MTRR: variants seen among roughly 807,000 people sequenced by gnomAD.
The protein encoded by MTRR is methionine synthase reductase.
A neutral mutation model predicts 79.2 loss-of-function variants in MTRR; 63 were observed. The ratio of observed to expected loss-of-function variants is 0.80; its 90% confidence interval spans 0.65 to 0.98. The LOEUF is 0.98. Among genes scored for constraint, MTRR ranks in the 50% least tolerant of loss-of-function variants. The pLI is 0.00. For missense variants in MTRR, 895 were observed against 839.6 expected, an observed-to-expected ratio of 1.07 and a Z score of -0.82; for synonymous variants, 355 against 313.3, an observed-to-expected ratio of 1.13 and a Z score of -1.41.
intron 14 of MTRR, among the ~76,000 whole-genome samples, chr5:7,898,763 A>G (rs534849465): frequency 3.9e-5 from 6 of 152,212 alleles, no homozygotes; most frequent in African/African-American, 1.2e-4. Flanking sequence ...GGGCCAGGAC[A>G]TGTTCAGTTC....
At chr5:7,851,244 C>T (rs768708183) in exon 1 of MTRR, 11 of 427,860 alleles carry the variant, frequency 2.6e-5, no homozygotes, top group Non-Finnish European at 4.3e-5. Context: ...CCCTCGACTA[C>T]ACCTGGGGTC....
At chr5:7,861,700 C>A in intron 1 of MTRR, 1 of 1,580,518 alleles carries the variant, frequency 6.3e-7, no homozygotes, top group Non-Finnish European at 8.6e-7. Context: ...CCCTCACAAA[C>A]ACTATCTTCC....
rs774507224 is a variant in MTRR, at chr5:7,892,869, A to C, written c.1513A>C (p.Ile505Leu). 1 of 1,614,254 alleles carries C rather than the reference A, an allele frequency of 6.2e-7. No individual in the cohort carries two copies. ...LLVASVLQPN[I>L]HASHEDSGKA... is the part of the protein sequence containing the mutation. ...GGTTGCTTCAGTTCTTCAGCCAAAC[A>C]TACATGCATCCCATGAAGACAGCGG... The change falls in exon 11 of 15, where the codon ATA becomes CTA. Residue 505 changes from isoleucine (I) to leucine (L), a missense_variant. Coordinates refer to ENST00000440940, the MANE Select transcript of MTRR (RefSeq NM_002454.3).
chr5:7,858,093 G>A lies in MTRR; in HGVS notation n.392-3858G>A, dbSNP rs77247138. Among the ~76,000 whole-genome samples the A allele has an allele frequency of 5.8e-3, 878 of 152,182 alleles. 13 individuals are homozygous for A. The highest frequency in any genetic ancestry group is 0.02 in the African/African-American group (822 of 41,508). On this transcript the variant is annotated intron_variant and non_coding_transcript_variant, in intron 1 of 3. Transcript: ENST00000502509. ...ACACCACATTGCTGGGTTGAGTTTC[G>A]CACCAAAAATTAGCTGAGTCATAGG...
At chr5:7,888,446 T>C (rs1452962518) in intron 8 of MTRR, among the ~76,000 whole-genome samples, 1 of 152,240 alleles carries the variant, frequency 6.6e-6, no homozygotes, top group Non-Finnish European at 1.5e-5. Context: ...TGCCAAAGTC[T>C]TTGCAGAGAT....
intron 2 of MTRR, among the ~76,000 whole-genome samples, chr5:7,871,454 G>A (rs1747985564): frequency 6.6e-6 from 1 of 152,174 alleles, no homozygotes; most frequent in Non-Finnish European, 1.5e-5. Flanking sequence ...CTACCTTAGG[G>A]TATATGCAAC....
chr5:7,859,696 C>T (rs1746391275), intron 1 of MTRR, among the ~76,000 whole-genome samples: 2 of 152,182 alleles, frequency 1.3e-5, no homozygotes, highest in African/African-American at 2.4e-5. Context: ...CCTGTATCCC[C>T]AATGTCTAGA....
intron 1 of MTRR, chr5:7,869,686 G>A (rs1424752294): frequency 4.8e-6 from 1 of 206,668 alleles, no homozygotes; most frequent in Non-Finnish European, 9.8e-6. Context: ...CGGGGCTGCT[G>A]GGGCCCGGGC....
In MTRR at chr5:7,860,885, A is replaced by T. The variant is rs1199428786; in HGVS notation, n.392-1066A>T. Among the ~76,000 whole-genome samples, 5 of 152,370 alleles carry T rather than the reference A, an allele frequency of 3.3e-5. No individual in the cohort carries two copies. The South Asian group carries it at 1.0e-3, about 32-fold the overall frequency. The stretch of plus-strand genomic sequence containing the variant: ...AATTATATAACTAGGAACTTTCCAC[A>T]GAATAGTTCAAACAAGGCAGCAAGA... On this transcript the variant is annotated intron_variant and non_coding_transcript_variant, in intron 1 of 3. Coordinates refer to the MTRR transcript ENST00000502509.
intron 11 of MTRR, among the ~76,000 whole-genome samples, chr5:7,895,100 G>A (rs3822441): frequency 0.26 from 39,867 of 152,024 alleles, 5,415 homozygotes; most frequent in Non-Finnish European, 0.29. Flanking sequence ...TTAAATCTTG[G>A]TATCAGTATG....
chr5:7,890,187 CT>C, intron 9 of MTRR: 1 of 883,662 alleles, frequency 1.1e-6, no homozygotes, highest in Non-Finnish European at 1.4e-6. Flanking sequence ...CAGCAAGATC[CT>C]TTTCGATGCC....
intron 14 of MTRR, among the ~76,000 whole-genome samples, chr5:7,899,077 A>C (rs970990048): frequency 2.0e-5 from 3 of 152,066 alleles, no homozygotes; most frequent in African/African-American, 7.2e-5. Context: ...GAGGTGCCAC[A>C]CACTCAAATA....
intron 2 of MTRR, among the ~76,000 whole-genome samples, chr5:7,871,417 G>T (rs1317859964): frequency 6.6e-6 from 1 of 152,220 alleles, no homozygotes; most frequent in Non-Finnish European, 1.5e-5. Flanking sequence ...GGGACTAGTT[G>T]TTTATGTTCA....
At chr5:7,855,956 C>T (rs1191875053) in intron 1 of MTRR, among the ~76,000 whole-genome samples, 1 of 152,152 alleles carries the variant, frequency 6.6e-6, no homozygotes, top group Non-Finnish European at 1.5e-5. Flanking sequence ...GCAGGGGAGA[C>T]TGCACACCAC....
chr5:7,854,060 A>C (rs1218928859), intron 1 of MTRR, among the ~76,000 whole-genome samples: 3 of 152,174 alleles, frequency 2.0e-5, no homozygotes, highest in Non-Finnish European at 2.9e-5. Flanking sequence ...TTTTTTAAAA[A>C]TACTCTTTTT....
At chr5:7,881,304 C>T (rs1198893265) in intron 5 of MTRR, among the ~76,000 whole-genome samples, 1 of 152,014 alleles carries the variant, frequency 6.6e-6, no homozygotes. Flanking sequence ...TTAGCTAGCC[C>T]AGTGCTTTAG....
chr5:7,897,743 G>T (rs985267996), intron 14 of MTRR, among the ~76,000 whole-genome samples: 2 of 152,116 alleles, frequency 1.3e-5, no homozygotes, highest in African/African-American at 4.8e-5. Flanking sequence ...ACTTTCTGAG[G>T]CAAGATCTGT....
intron 14 of MTRR, 151 bp downstream of exon 14, chr5:7,897,398 A>G (rs2126815847): frequency 2.4e-6 from 2 of 832,918 alleles, no homozygotes; most frequent in South Asian, 3.1e-5. Flanking sequence ...TTCTGAAATG[A>G]TTTTGACATA....
At chr5:7,869,033 G>A, upstream of MTRR, 1 of 1,398,214 alleles carries the variant, frequency 7.2e-7, no homozygotes, top group South Asian at 1.2e-5. Context: ...GGGCGTCGTG[G>A]GCCTCCGTAG....
Sources: allele counts gnomAD v4.1 joint callset (sites outside exome capture counted in the v4.1 genomes callset), GRCh38; gene constraint gnomAD v4.1.1; transcripts MANE v1.5; gene names NCBI Gene and HGNC (gene_info 2026-07-23, HGNC 2026-07-21).